FBXO24: variants seen among roughly 807,000 people sequenced by gnomAD.
FBXO24 encodes the protein F-box only protein 24.
In FBXO24, 30 loss-of-function variants were observed where a neutral mutation model predicts 63.5. That is an observed-to-expected ratio of 0.47 (90% CI 0.35 to 0.64). The LOEUF (loss-of-function observed/expected upper bound fraction) is 0.64, where lower values mean the gene tolerates loss of function less well. Ranked by LOEUF, FBXO24 falls within the 30% of genes least tolerant of loss-of-function variation. The pLI is 0.00. For missense variants in FBXO24, 624 were observed against 763.4 expected, an observed-to-expected ratio of 0.82 and a Z score of 2.15; for synonymous variants, 300 against 305.0, an observed-to-expected ratio of 0.98 and a Z score of 0.17.
At position 100,595,086 on chromosome 7, in the gene FBXO24, G is replaced by A; in HGVS notation, c.953-16G>A. 1.2e-6 allele frequency: 2 copies of A among 1,613,600 alleles called. No homozygotes were observed. The highest frequency in any genetic ancestry group is 2.7e-5 in the African/African-American group (2 of 75,020). ...GGTGCCCAAAGCTGCTGAGCTGAGG[G>A]CTCCTGACCCCCCAGACCAGGGGGG... On this transcript the variant is annotated splice_polypyrimidine_tract_variant and intron_variant, in intron 6 of 9. Coordinates refer to ENST00000241071, the MANE Select transcript of FBXO24 (RefSeq NM_033506.3).
At chr7:100,592,237 C>T (rs1018541261) in intron 4 of FBXO24, 6 of 267,052 alleles carry the variant, frequency 2.2e-5, no homozygotes, top group Admixed American at 1.0e-4. Context: ...CCAGCCTGGG[C>T]AACAAGAGGG....
intron 8 of FBXO24, among the ~76,000 whole-genome samples, chr7:100,596,746 AAGACAG>A (rs1422921245): frequency 2.0e-5 from 3 of 152,172 alleles, no homozygotes; most frequent in African/African-American, 7.2e-5. Context: ...AGAGGGGTAT[AAGACAG>A]AGGTGGCTCT....
Position 100,589,962 on chromosome 7 carries a change from C to T in FBXO24, c.40-15C>T. 6.2e-7 allele frequency: 1 copy of T among 1,610,112 alleles called. No individual in the cohort carries two copies. Among genetic ancestry groups the T allele is most frequent in the Non-Finnish European group, 8.5e-7 (1 of 1,177,966 alleles). ...TGGGACCCTCATGGGACCCTATGCACCCCTTCTTGGGTAGGTGAAGAGAAG... is the reference window on the plus strand; with the variant it reads ...TGGGACCCTCATGGGACCCTATGCATCCCTTCTTGGGTAGGTGAAGAGAAG... On this transcript the variant is annotated splice_polypyrimidine_tract_variant and intron_variant, in intron 1 of 9. Transcript: ENST00000241071.
Position 100,600,482 on chromosome 7 carries a change from C to A in FBXO24, c.1378-52C>A. ...AGATTAGCCCGGGCACCCTGGGAAA[C>A]CCTGCAAGGAAAGCACCACTCAGCC... On this transcript the variant is annotated intron_variant, in intron 9 of 9. Transcript: ENST00000241071. The surrounding 1 kb of genome is among the most constrained non-coding windows in gnomAD (Gnocchi z 6.3). 1 of 1,520,824 alleles carries A rather than the reference C, an allele frequency of 6.6e-7. No homozygotes were observed. Among genetic ancestry groups the A allele is most frequent in the Non-Finnish European group, 8.8e-7 (1 of 1,135,608 alleles). The allele number at this position is 1,520,824 out of a possible 1,614,324, so 94.2% of individuals were successfully genotyped here. A position where few individuals can be genotyped will look rare whatever the true frequency, so the allele number is the denominator to read the frequency against.
rs976375608 is a variant in FBXO24, at chr7:100,591,924, G to T, written c.558+22G>T. The stretch of plus-strand genomic sequence containing the variant: ...GGATGTGAGTAGCAGAACCCTGGCA[G>T]CTGAGAGCCCACCTGTATTAGTCCA... On this transcript the variant is annotated intron_variant, in intron 4 of 9. Coordinates refer to ENST00000241071, the MANE Select transcript of FBXO24 (RefSeq NM_033506.3). The T allele has an allele frequency of 6.2e-6, 10 of 1,609,982 alleles. No individual in the cohort carries two copies. The African/African-American group carries it at 1.3e-4, about 22-fold the overall frequency.
Position 100,594,539 on chromosome 7 carries a change from C to G in FBXO24, c.950C>G (p.Thr317Arg). The G allele has an allele frequency of 6.3e-7, 1 of 1,586,858 alleles. No individual in the cohort carries two copies. Reference protein sequence around the residue: ...TSNQSSTLYVTDQGGVYFEVH... With the variant: ...TSNQSSTLYVRDQGGVYFEVH... Reference sequence around the variant, plus strand: ...AACCAGAGCAGCACCCTCTACGTCACAGGTATGGACCACCTCCCCCCGGCT... The same window carrying G: ...AACCAGAGCAGCACCCTCTACGTCAGAGGTATGGACCACCTCCCCCCGGCT... Residue 317 changes from threonine (T) to arginine (R), a missense_variant and splice_region_variant, in exon 6 of 10, where the codon ACA (threonine) becomes AGA (arginine). Physicochemically the swap from Thr to Arg is moderately conservative, Grantham distance 71. Around this residue, in one of 3 missense-constraint regions of FBXO24, gnomAD observed 391 missense variants for 469.1 expected, o/e 0.83. Transcript: ENST00000241071. The surrounding 1 kb of genome is among the most constrained non-coding windows in gnomAD (Gnocchi z 4.2).
chr7:100,600,589 CCAGCCACGA>C lies in FBXO24; in HGVS notation c.1436_1444del (p.Ser479_Asp481del), dbSNP rs748239291. The stretch of plus-strand genomic sequence containing the variant: ...ACCAGGGAGTGCCTATACATCCTGT[CCAGCCACGA>C]CATTGAGCAGCACGCCCCCTATCGC... On this transcript the variant is annotated inframe_deletion, in exon 10 of 10. Transcript: ENST00000241071. This position sits in a 1 kb window ranked among gnomAD's most constrained non-coding sequence, Gnocchi z 6.3. 7 of 1,607,718 alleles carry C rather than the reference CCAGCCACGA, an allele frequency of 4.4e-6. No homozygotes were observed. In the South Asian group the frequency reaches 7.8e-5, roughly 18 times the overall value.
chr7:100,591,989 A>C, intron 4 of FBXO24, 87 bp downstream of exon 4: 2 of 1,328,112 alleles, frequency 1.5e-6, no homozygotes, highest in Non-Finnish European at 2.1e-6. Context: ...GGCCGGGTGC[A>C]GTGGCTTACA....
At chr7:100,589,693 A>G in intron 1 of FBXO24, 1 of 1,542,260 alleles carries the variant, frequency 6.5e-7, no homozygotes, top group African/African-American at 1.4e-5. Context: ...AGGAGACAGG[A>G]GGGCAGGAGC....
intron 1 of FBXO24, 197 bp downstream of exon 1, chr7:100,586,861 G>A (rs1385228206): frequency 4.6e-6 from 3 of 651,362 alleles, no homozygotes; most frequent in South Asian, 3.1e-5. Flanking sequence ...GGCAGCGGGG[G>A]GACCTCCGAC....
rs199980760 is a variant in FBXO24, at chr7:100,600,807, G to A, written c.1651G>A (p.Ala551Thr). The A allele has an allele frequency of 1.5e-4, 235 of 1,614,020 alleles. No homozygotes were observed. The highest frequency in any genetic ancestry group is 1.9e-4 in the Non-Finnish European group (225 of 1,180,004). Residue 551 changes from alanine to threonine, a missense_variant, in exon 10 of 10, where the codon GCA (alanine) becomes ACA (threonine). Physicochemically the swap from Ala to Thr is moderately conservative, Grantham distance 58. Around this residue, in one of 3 missense-constraint regions of FBXO24, gnomAD observed 216 missense variants for 245.2 expected, o/e 0.88. Coordinates refer to ENST00000241071, the MANE Select transcript of FBXO24 (RefSeq NM_033506.3). The surrounding 1 kb of genome is among the most constrained non-coding windows in gnomAD (Gnocchi z 6.3). The stretch of plus-strand genomic sequence containing the variant: ...CGTAGGGTGGATGCCCCTGATGGCC[G>A]CACAGAAGGACTTCTTCTGGGAGGC... ...EIVGWMPLMA[A>T]QKDFFWEALD...
Position 100,600,046 on chromosome 7 carries a change from C to T in FBXO24, c.1222C>T (p.Arg408Trp), listed in dbSNP as rs778099804. The T allele has an allele frequency of 9.3e-6, 15 of 1,610,354 alleles. No individual in the cohort carries two copies. Among genetic ancestry groups the T allele is most frequent in the South Asian group, 1.1e-5 (1 of 90,466 alleles). The change falls in exon 9 of 10, where the codon CGG becomes TGG. Residue 408 changes from arginine to tryptophan, a missense_variant. Physicochemically the swap from Arg to Trp is moderately radical, Grantham distance 101. Around this residue, in one of 3 missense-constraint regions of FBXO24, gnomAD observed 216 missense variants for 245.2 expected, o/e 0.88. Transcript: ENST00000241071. The surrounding 1 kb of genome is among the most constrained non-coding windows in gnomAD (Gnocchi z 6.3). ...GEPTQVCYLQ[R>W]PITLWCGLNH... ...GTGTCCCCAGGTTTGTTACCTGCAGCGGCCCATCACCCTGTGGTGCGGCCT... is the reference window on the plus strand; with the variant it reads ...GTGTCCCCAGGTTTGTTACCTGCAGTGGCCCATCACCCTGTGGTGCGGCCT...
At chr7:100,589,730 G>A (rs1801907586) in intron 1 of FBXO24, 1 of 1,548,054 alleles carries the variant, frequency 6.5e-7, no homozygotes, top group African/African-American at 1.4e-5. Context: ...GGATGGTCAG[G>A]GGAAGCCAGA....
In FBXO24 at chr7:100,594,276, C is replaced by T. The variant is rs1562819158; in HGVS notation, c.794-107C>T. On this transcript the variant is annotated intron_variant, in intron 5 of 9. Coordinates refer to ENST00000241071, the MANE Select transcript of FBXO24 (RefSeq NM_033506.3). This position sits in a 1 kb window ranked among gnomAD's most constrained non-coding sequence, Gnocchi z 4.2. ...TTCCCTTATTTCTTTCTCAGCCCCA[C>T]TCTAGGGCAGTAAATGTGTCACCCA... The T allele has an allele frequency of 5.4e-6, 7 of 1,288,692 alleles. No individual in the cohort carries two copies. Among genetic ancestry groups the T allele is most frequent in the Non-Finnish European group, 7.5e-6 (7 of 933,218 alleles). The allele number at this position is 1,288,692 out of a possible 1,614,324, so 79.8% of individuals were successfully genotyped here. A position where few individuals can be genotyped will look rare whatever the true frequency, so the allele number is the denominator to read the frequency against.
In FBXO24 at chr7:100,600,146, G is replaced by A. The variant is rs757554144; in HGVS notation, c.1322G>A (p.Gly441Asp). The stretch of plus-strand genomic sequence containing the variant: ...CTGGGCTGCGGCTGTGGGGCTGGGG[G>A]CCGCCTCCCAGGCTGGCCCAAGGGG... ...ELLGCGCGAG[G>D]RLPGWPKGSA... Residue 441 changes from glycine to aspartate, a missense_variant, in exon 9 of 10, where the codon GGC becomes GAC. Physicochemically the swap from Gly to Asp is moderately conservative, Grantham distance 94 (BLOSUM62 -1). Coordinates refer to ENST00000241071, the MANE Select transcript of FBXO24 (RefSeq NM_033506.3). The surrounding 1 kb of genome is among the most constrained non-coding windows in gnomAD (Gnocchi z 6.3). The A allele has an allele frequency of 6.3e-6, 10 of 1,593,868 alleles. No homozygotes were observed. In the East Asian group the frequency reaches 1.6e-4, roughly 25 times the overall value.
At chr7:100,597,279 T>C (rs1802357289) in intron 8 of FBXO24, among the ~76,000 whole-genome samples, 1 of 152,160 alleles carries the variant, frequency 6.6e-6, no homozygotes, top group Admixed American at 6.5e-5. Context: ...TAGGGTTAAT[T>C]GATGGTGTGA....
At chr7:100,587,159 C>G (rs532268893) in intron 1 of FBXO24, among the ~76,000 whole-genome samples, 7 of 152,356 alleles carry the variant, frequency 4.6e-5, no homozygotes, top group Admixed American at 4.6e-4. Flanking sequence ...CAGCAAGTTC[C>G]TGACAGCTGG....
rs1252550110 is a variant in FBXO24 at position 100,586,569 on chromosome 7, T to C, written c.-57T>C. 9 of 1,591,664 alleles carry C rather than the reference T, an allele frequency of 5.7e-6. No homozygotes were observed. Among genetic ancestry groups the C allele is most frequent in the Admixed American group, 1.7e-5 (1 of 59,808 alleles). On this transcript the variant is annotated 5_prime_UTR_variant, in exon 1 of 10. Coordinates refer to ENST00000241071, the MANE Select transcript of FBXO24 (RefSeq NM_033506.3). ...ACTGTCAAGAAGGCCAATTAGAGCC[T>C]CCGAAGGGAATCTGGACCTGCCTCT...
rs752074555 is a variant in FBXO24 at position 100,591,750 on chromosome 7, T to C, written c.406T>C (p.Tyr136His). ...KSVAPLLAHG[Y>H]RRFLPTKDHV... Reference sequence around the variant, plus strand: ...CGTGGCCCCCTTGCTAGCCCACGGCTACCGCCGCTTCTTGCCCACCAAGGA... The same window carrying C: ...CGTGGCCCCCTTGCTAGCCCACGGCCACCGCCGCTTCTTGCCCACCAAGGA... Residue 136 changes from tyrosine (Y) to histidine (H), a missense_variant, in exon 4 of 10, where the codon TAC becomes CAC. Tyr to His is a moderately conservative substitution (Grantham distance 83). This residue lies in a region of FBXO24 where 391 missense variants were observed against 469.1 expected (regional missense o/e 0.83). Transcript: ENST00000241071. The C allele has an allele frequency of 6.2e-7, 1 of 1,614,266 alleles. No homozygotes were observed. The highest frequency in any genetic ancestry group is 2.2e-5 in the East Asian group (1 of 44,892).
Sources: gnomAD v4.1 joint callset for allele counts (sites outside exome capture counted in the v4.1 genomes callset) on GRCh38, gnomAD v4.1.1 for gene constraint, gnomAD v4.1.1 regional missense constraint, Gnocchi (gnomAD v3.1) non-coding constraint, MANE v1.5 for transcripts, NCBI Gene and HGNC (gene_info 2026-07-23, HGNC 2026-07-21) for gene names.